The following IL23R variants were observed in gnomAD, a reference collection of about 807,000 sequenced individuals.
IL23R encodes the protein interleukin 23 receptor, also known as interleukin-23 receptor.
IL23R carries 34 observed loss-of-function variants against 56.9 expected under a neutral mutation model. That is an observed-to-expected ratio of 0.60 (90% CI 0.45 to 0.80). IL23R has a LOEUF of 0.80. Ranked by LOEUF, IL23R falls within the 30% of genes least tolerant of loss-of-function variation. IL23R has a pLI of 0.00. For missense variants in IL23R, 635 were observed against 730.0 expected, an observed-to-expected ratio of 0.87 and a Z score of 1.50; for synonymous variants, 230 against 249.2, an observed-to-expected ratio of 0.92 and a Z score of 0.73.
intron 4 of IL23R, among the ~76,000 whole-genome samples, chr1:67,189,331 T>G (rs1647576538): frequency 6.6e-6 from 1 of 152,150 alleles, no homozygotes; most frequent in Non-Finnish European, 1.5e-5. Flanking sequence ...GAATCTCCCC[T>G]TCACTGTCTA....
At chr1:67,210,598 G>A (rs1364614678) in intron 6 of IL23R, among the ~76,000 whole-genome samples, 2 of 152,026 alleles carry the variant, frequency 1.3e-5, no homozygotes, top group African/African-American at 4.8e-5. Flanking sequence ...AAGTAGCTGG[G>A]ACTACAGTCA....
chr1:67,157,614 C>T (rs138212113), intron 1 of IL23R, among the ~76,000 whole-genome samples: 28 of 152,320 alleles, frequency 1.8e-4, no homozygotes, highest in Admixed American at 1.2e-3. Context: ...TCTTACTCTT[C>T]GCCATCTCCT....
intron 1 of IL23R, among the ~76,000 whole-genome samples, chr1:67,149,902 C>G (rs1424711325): frequency 6.6e-6 from 1 of 152,142 alleles, no homozygotes; most frequent in Non-Finnish European, 1.5e-5. Context: ...AACTACTTTT[C>G]CAATCATAAA....
chr1:67,149,670 C>T (rs1208365395), intron 1 of IL23R, among the ~76,000 whole-genome samples: 2 of 152,140 alleles, frequency 1.3e-5, no homozygotes, highest in African/African-American at 2.4e-5. Context: ...TCCATATGTA[C>T]TCTAAGCTAC....
At chr1:67,216,682 TA>T (rs1649856495) in intron 6 of IL23R, among the ~76,000 whole-genome samples, 2 of 152,048 alleles carry the variant, frequency 1.3e-5, no homozygotes, top group South Asian at 2.1e-4. Flanking sequence ...AGTCTTTTTT[TA>T]AAAAAAATTT....
intron 6 of IL23R, among the ~76,000 whole-genome samples, chr1:67,211,431 G>A (rs560011896): frequency 6.6e-6 from 1 of 152,122 alleles, no homozygotes; most frequent in Non-Finnish European, 1.5e-5. Flanking sequence ...GACCAGACTG[G>A]CCATCATGGC....
At chr1:67,153,710 G>C (rs1275519341) in intron 1 of IL23R, among the ~76,000 whole-genome samples, 1 of 152,050 alleles carries the variant, frequency 6.6e-6, no homozygotes, top group African/African-American at 2.4e-5. Flanking sequence ...ATTTACCGAA[G>C]AGTCATTCAG....
At chr1:67,203,202 T>C (rs550463531) in intron 5 of IL23R, among the ~76,000 whole-genome samples, 1 of 152,208 alleles carries the variant, frequency 6.6e-6, no homozygotes, top group Non-Finnish European at 1.5e-5. Context: ...ACACCTCTCA[T>C]GCACATCACG....
chr1:67,161,599 A>T (rs1165183697), upstream of IL23R, among the ~76,000 whole-genome samples: 1 of 145,032 alleles, frequency 6.9e-6, no homozygotes, highest in Non-Finnish European at 1.5e-5. Context: ...CATATTTTAG[A>T]ATTAAAATAC....
chr1:67,158,483 T>C (rs1242890400), intron 1 of IL23R, among the ~76,000 whole-genome samples: 1 of 152,138 alleles, frequency 6.6e-6, no homozygotes, highest in African/African-American at 2.4e-5. Context: ...CCAATTTTAA[T>C]CATATACAAA....
At chr1:67,219,223 C>G (rs1162943736) in intron 6 of IL23R, among the ~76,000 whole-genome samples, 2 of 151,936 alleles carry the variant, frequency 1.3e-5, no homozygotes, top group African/African-American at 4.8e-5. Flanking sequence ...AAAAAAGTAG[C>G]CAGGTGTTGT....
chr1:67,172,785 GC>G, intron 3 of IL23R, among the ~76,000 whole-genome samples: 1 of 152,170 alleles, frequency 6.6e-6, no homozygotes, highest in South Asian at 2.1e-4. Flanking sequence ...AATTAGGCTG[GC>G]CTGTGCCCTG....
chr1:67,196,165 T>C lies in IL23R; in HGVS notation c.492-4572T>C, dbSNP rs1306177361. The C allele has an allele frequency of 2.0e-5, 3 of 152,284 alleles. No individual in the cohort carries two copies. In the East Asian group the frequency reaches 5.6e-4, roughly 29 times the overall value. The allele number at this position is 152,284 out of a possible 1,614,324, so 9.4% of individuals were successfully genotyped here. ...GTCTGCCTCAACAGCACAAACAGTG[T>C]AATTGGAACAAGACAAAGAAGATGG... On this transcript the variant is annotated intron_variant, in intron 4 of 10. Coordinates refer to ENST00000347310, the MANE Select transcript of IL23R (RefSeq NM_144701.3).
At chr1:67,224,631 C>A (rs1376404345) in intron 7 of IL23R, among the ~76,000 whole-genome samples, 2 of 152,174 alleles carry the variant, frequency 1.3e-5, no homozygotes, top group African/African-American at 4.8e-5. Flanking sequence ...CAAAAATGAA[C>A]CAAACCAACT....
chr1:67,253,193 A>T (rs1040433448), intron 9 of IL23R, among the ~76,000 whole-genome samples: 1 of 152,142 alleles, frequency 6.6e-6, no homozygotes, highest in Admixed American at 6.5e-5. Flanking sequence ...CAATTGTTTT[A>T]GTGTTTTAGC....
At chr1:67,234,605 A>G (rs1414495118) in intron 7 of IL23R, among the ~76,000 whole-genome samples, 1 of 152,230 alleles carries the variant, frequency 6.6e-6, no homozygotes, top group Non-Finnish European at 1.5e-5. Context: ...CTAATTTTAA[A>G]ATAATAAAAG....
intron 4 of IL23R, among the ~76,000 whole-genome samples, chr1:67,194,211 C>T (rs755436773): frequency 1.3e-5 from 2 of 151,570 alleles, no homozygotes; most frequent in African/African-American, 4.9e-5. Flanking sequence ...TACATAAGCA[C>T]GGTTCATCAT....
At chr1:67,168,792 T>C (rs1254911749) in intron 2 of IL23R, among the ~76,000 whole-genome samples, 2 of 152,336 alleles carry the variant, frequency 1.3e-5, no homozygotes, top group East Asian at 1.9e-4. Flanking sequence ...GAGCTAATTA[T>C]ATTTGCTCTT....
chr1:67,226,145 G>A (rs1282053369), intron 7 of IL23R, among the ~76,000 whole-genome samples: 1 of 152,204 alleles, frequency 6.6e-6, no homozygotes, highest in East Asian at 1.9e-4. Context: ...GCACCTTGGG[G>A]CTCCAGCCCC....
Sources: allele counts gnomAD v4.1 joint callset (sites outside exome capture counted in the v4.1 genomes callset), GRCh38; gene constraint gnomAD v4.1.1; transcripts MANE v1.5; gene names NCBI Gene and HGNC (gene_info 2026-07-23, HGNC 2026-07-21).